TMPRSS11F: variants seen among roughly 807,000 people sequenced by gnomAD.
The protein encoded by TMPRSS11F is transmembrane serine protease 11F.
In TMPRSS11F, 47 loss-of-function variants were observed where a neutral mutation model predicts 60.2. That is an observed-to-expected ratio of 0.78 (90% confidence interval 0.62 to 1.00). The LOEUF is 1.00. Ranked by LOEUF, TMPRSS11F falls within the 50% of genes least tolerant of loss-of-function variation. TMPRSS11F has a pLI of 0.00. For synonymous variants in TMPRSS11F, 166 were observed against 167.3 expected (o/e 0.99, Z 0.06); for missense variants, 519 against 522.9 (o/e 0.99, Z 0.07).
At chr4:68,129,674 AT>A in intron 1 of TMPRSS11F, 135 bp downstream of exon 1, 1 of 718,566 alleles carries the variant, frequency 1.4e-6, no homozygotes, top group East Asian at 2.9e-5. Flanking sequence ...AAACTTTAAT[AT>A]AAAATACAAT....
intron 2 of TMPRSS11F, among the ~76,000 whole-genome samples, chr4:68,098,235 G>A (rs1724110751): frequency 6.6e-6 from 1 of 152,138 alleles, no homozygotes; most frequent in Non-Finnish European, 1.5e-5. Context: ...AACCTGGGAA[G>A]TGGAGGTTGC....
chr4:68,080,662 AT>A (rs1723680915), intron 3 of TMPRSS11F: 1 of 152,206 alleles, frequency 6.6e-6, no homozygotes. Context: ...CTGAGGCTAC[AT>A]TTGTGAAACT....
At chr4:68,109,490 A>G (rs891169971) in intron 1 of TMPRSS11F, among the ~76,000 whole-genome samples, 1 of 152,192 alleles carries the variant, frequency 6.6e-6, no homozygotes, top group African/African-American at 2.4e-5. Flanking sequence ...ACAGATCCCT[A>G]AAAATTTTAT....
At chr4:68,121,144 T>C (rs570529727) in intron 1 of TMPRSS11F, among the ~76,000 whole-genome samples, 1 of 152,328 alleles carries the variant, frequency 6.6e-6, no homozygotes, top group South Asian at 2.1e-4. Context: ...AGGTCTATTC[T>C]TTTTTTAGTT....
At chr4:68,121,453 T>C (rs1156960460) in intron 1 of TMPRSS11F, among the ~76,000 whole-genome samples, 1 of 152,206 alleles carries the variant, frequency 6.6e-6, no homozygotes, top group Non-Finnish European at 1.5e-5. Flanking sequence ...AATAATTCAA[T>C]ATTTTGTCTC....
intron 8 of TMPRSS11F, chr4:68,063,252 C>G: frequency 1.7e-6 from 1 of 572,346 alleles, no homozygotes; most frequent in Non-Finnish European, 3.5e-6. Flanking sequence ...GGTTCTCTCT[C>G]CACCTTCAAT....
rs566475577 is a variant in TMPRSS11F, at chr4:68,092,000, G to A, written c.164-1359C>T. Among the ~76,000 whole-genome samples the A allele has an allele frequency of 1.9e-3, 284 of 152,022 alleles. 2 individuals are homozygous for A. Among genetic ancestry groups the A allele is most frequent in the Non-Finnish European group, 3.6e-3 (248 of 67,968 alleles). ...ACAGTTTCACCATGTTGTCCAGGCT[G>A]GTCTCGAACTCCTGACCTCAAGTGA... On this transcript the variant is annotated intron_variant, in intron 2 of 9. Transcript: ENST00000356291.
At chr4:68,059,599 TTC>T (rs1172854907) in intron 8 of TMPRSS11F, 131 bp from the exon 9 acceptor site, 5 of 898,582 alleles carry the variant, frequency 5.6e-6, no homozygotes, top group Non-Finnish European at 8.1e-6. Flanking sequence ...TCATCTTATT[TTC>T]TGTCATAAAT....
At chr4:68,105,859 TTAC>T (rs1358215637) in intron 1 of TMPRSS11F, among the ~76,000 whole-genome samples, 2 of 152,162 alleles carry the variant, frequency 1.3e-5, no homozygotes, top group Non-Finnish European at 2.9e-5. Context: ...CTATCAGTAT[TTAC>T]TACCCAAATT....
intron 1 of TMPRSS11F, among the ~76,000 whole-genome samples, chr4:68,124,810 C>T (rs1045853079): frequency 6.6e-6 from 1 of 152,096 alleles, no homozygotes; most frequent in African/African-American, 2.4e-5. Context: ...ACACCCTACA[C>T]TCCGTTTCGC....
intron 8 of TMPRSS11F, chr4:68,063,158 G>A (rs1577910891): frequency 1.6e-6 from 1 of 607,786 alleles, no homozygotes; most frequent in Non-Finnish European, 3.2e-6. Context: ...GCAGCATCAG[G>A]ATAATAAACA....
intron 2 of TMPRSS11F, among the ~76,000 whole-genome samples, chr4:68,097,213 T>C (rs542770080): frequency 6.6e-6 from 1 of 152,326 alleles, no homozygotes; most frequent in East Asian, 1.9e-4. Context: ...GTAGGTTTGG[T>C]GACTTAAAAC....
chr4:68,120,718 G>C (rs1396987477), intron 1 of TMPRSS11F, among the ~76,000 whole-genome samples: 1 of 151,446 alleles, frequency 6.6e-6, no homozygotes, highest in African/African-American at 2.4e-5. Flanking sequence ...GTCAATTTAT[G>C]AAACAAGCTT....
intron 1 of TMPRSS11F, among the ~76,000 whole-genome samples, chr4:68,111,523 TATAA>T (rs1417242936): frequency 6.6e-6 from 1 of 152,142 alleles, no homozygotes; most frequent in Non-Finnish European, 1.5e-5. Flanking sequence ...TTAGGGACAA[TATAA>T]ATTAAGTGCT....
intron 8 of TMPRSS11F, chr4:68,063,119 G>T (rs768721991): frequency 1.6e-6 from 1 of 628,832 alleles, no homozygotes; most frequent in South Asian, 1.4e-5. Context: ...TTTCAAAACA[G>T]AACTGCTTAT....
intron 2 of TMPRSS11F, among the ~76,000 whole-genome samples, chr4:68,095,528 G>A (rs1239347612): frequency 6.6e-6 from 1 of 152,096 alleles, no homozygotes; most frequent in Non-Finnish European, 1.5e-5. Flanking sequence ...CTAAATGTTG[G>A]TGAGGATATG....
intron 8 of TMPRSS11F, chr4:68,062,408 G>T (rs1346670866): frequency 6.9e-6 from 4 of 576,892 alleles, no homozygotes; most frequent in Admixed American, 4.1e-5. Flanking sequence ...TCTTTCCATA[G>T]AACTTAAAGC....
At chr4:68,055,225 T>C (rs1357143281) in intron 9 of TMPRSS11F, among the ~76,000 whole-genome samples, 4 of 152,182 alleles carry the variant, frequency 2.6e-5, no homozygotes, top group Admixed American at 1.3e-4. Flanking sequence ...ATAGGTCTTG[T>C]TTAGAAGTTT....
chr4:68,117,345 T>C (rs1724545255), intron 1 of TMPRSS11F, among the ~76,000 whole-genome samples: 1 of 151,624 alleles, frequency 6.6e-6, no homozygotes, highest in South Asian at 2.1e-4. Context: ...CAGGTGCCTG[T>C]AGTCCCAGCT....
Sources: gnomAD v4.1 joint callset for allele counts (sites outside exome capture counted in the v4.1 genomes callset) on GRCh38, gnomAD v4.1.1 for gene constraint, MANE v1.5 for transcripts, NCBI Gene and HGNC (gene_info 2026-07-23, HGNC 2026-07-21) for gene names.